DACT3: variants seen among roughly 807,000 people sequenced by gnomAD.
DACT3 encodes dapper homolog 3.
Under a neutral mutation model 19.6 loss-of-function variants are expected in DACT3, and 5 were observed. That is an observed-to-expected ratio of 0.26 (90% CI 0.13 to 0.54). The LOEUF is 0.54. DACT3 is among the 20% of genes least tolerant of loss of function. The pLI, the probability that DACT3 is intolerant of heterozygous loss-of-function variation, is 0.95. For synonymous variants in DACT3, 454 were observed against 428.1 expected (o/e 1.06, Z -0.75); for missense variants, 908 against 927.4 (o/e 0.98, Z 0.27).
chr19:46,652,959 A>T lies in DACT3; in HGVS notation c.346+20T>A. ...CATGGAGGCGTCCCAGGCAAACCCT[A>T]CCCCTCCATCCATGCTCACCCGAGC... On this transcript the variant is annotated intron_variant, in intron 2 of 3. Transcript: ENST00000391916. 1.3e-6 allele frequency: 2 copies of T among 1,549,838 alleles called. No homozygotes were observed. Among genetic ancestry groups the T allele is most frequent in the Non-Finnish European group, 1.7e-6 (2 of 1,146,914 alleles).
Position 46,653,032 on chromosome 19 carries a change from C to G in DACT3, c.293G>C (p.Gly98Ala). 6.4e-7 allele frequency: 1 copy of G among 1,551,592 alleles called. No homozygotes were observed. Among genetic ancestry groups the G allele is most frequent in the Non-Finnish European group, 8.7e-7 (1 of 1,147,004 alleles). ...GCCCCCAGACTCCAGGCTCAGGTCT[C>G]CCAGCTGCTGTCCCAGGTCCCAGAC... ...GLVWDLGQQL[G>A]DLSLESGGLE... Residue 98 changes from glycine (G) to alanine (A), a missense_variant, in exon 2 of 4, where the codon GGA becomes GCA. This residue lies in a region of DACT3 where 252 missense variants were observed against 325.6 expected (regional missense o/e 0.77). Transcript: ENST00000391916.
chr19:46,655,156 T>C, intron 1 of DACT3: 1 of 635,392 alleles, frequency 1.6e-6, no homozygotes, highest in Non-Finnish European at 2.0e-6. Context: ...TGTATGCGCC[T>C]ACCTCGGGAG....
Position 46,649,360 on chromosome 19 carries a change from C to G in DACT3, c.1012G>C (p.Ala338Pro), listed in dbSNP as rs1365930975. The G allele has an allele frequency of 7.2e-6, 9 of 1,257,634 alleles. No homozygotes were observed. Among genetic ancestry groups the G allele is most frequent in the Admixed American group, 4.0e-5 (1 of 25,120 alleles). The allele number at this position is 1,257,634 out of a possible 1,614,324, so 77.9% of individuals were successfully genotyped here. A position where few individuals can be genotyped will look rare whatever the true frequency, so the allele number is the denominator to read the frequency against. ...WESEAAPEPA[A>P]PPAAPSPPDS... ...GGGGGTGAGGGGGCGGCGGGCGGCGCAGCGGGCTCGGGTGCCGCCTCCGAC... is the reference window on the plus strand; with the variant it reads ...GGGGGTGAGGGGGCGGCGGGCGGCGGAGCGGGCTCGGGTGCCGCCTCCGAC... Residue 338 changes from alanine to proline, a missense_variant, in exon 4 of 4, where the codon GCG becomes CCG. Transcript: ENST00000391916.
At position 46,653,185 on chromosome 19, in the gene DACT3, G is replaced by A. The variant is rs190759793; in HGVS notation, c.250-110C>T. The stretch of plus-strand genomic sequence containing the variant: ...GTTTCACTTTGACAATGAGGCTCTC[G>A]CTTCAAAGGATAAAAGCAGTACCTC... On this transcript the variant is annotated intron_variant, in intron 1 of 3. Transcript: ENST00000391916. The A allele has an allele frequency of 1.6e-3, 2,336 of 1,458,050 alleles. 5 individuals carry two copies. Among genetic ancestry groups the A allele is most frequent in the Admixed American group, 2.0e-3 (88 of 43,564 alleles). 90.3% of individuals were successfully genotyped at this position (1,458,050 alleles called of 1,614,324 possible). A position where few individuals can be genotyped will look rare whatever the true frequency, so the allele number is the denominator to read the frequency against.
Position 46,652,676 on chromosome 19 carries a change from C to G in DACT3, c.483G>C (p.Glu161Asp), listed in dbSNP as rs1430271367. 1.9e-6 allele frequency: 3 copies of G among 1,551,228 alleles called. No individual in the cohort carries two copies. The highest frequency in any genetic ancestry group is 1.4e-5 in the African/African-American group (1 of 73,028). The change falls in exon 3 of 4, where the codon GAG becomes GAC. Residue 161 changes from glutamate (E) to aspartate (D), a missense_variant. Around this residue, in one of 2 missense-constraint regions of DACT3, gnomAD observed 252 missense variants for 325.6 expected, o/e 0.77. Coordinates refer to ENST00000391916, the MANE Select transcript of DACT3 (RefSeq NM_145056.3). ...CCACCTTACCTAGGGACTTGGGCCTCTCACTGGCATAGATGCCCCGGGGCT... is the reference window on the plus strand; with the variant it reads ...CCACCTTACCTAGGGACTTGGGCCTGTCACTGGCATAGATGCCCCGGGGCT... ...PSEPRGIYAS[E>D]RPKSLGDASP... is the part of the protein sequence containing the mutation.
intron 3 of DACT3, chr19:46,651,263 T>C (rs1187584362): frequency 3.3e-5 from 5 of 151,804 alleles, no homozygotes; most frequent in Non-Finnish European, 5.9e-5. Context: ...TTGTATTTTT[T>C]GTAGAGACGG....
chr19:46,648,855 G>A lies in DACT3; in HGVS notation c.1517C>T (p.Pro506Leu). 1 of 1,457,376 alleles carries A rather than the reference G, an allele frequency of 6.9e-7. No homozygotes were observed. Among genetic ancestry groups the A allele is most frequent in the Non-Finnish European group, 9.0e-7 (1 of 1,115,208 alleles). 90.3% of individuals were successfully genotyped at this position (1,457,376 alleles called of 1,614,324 possible). ...AAGCAGACGACGCTGGGGAGCTGAC[G>A]GGGACGGGCCGGGGCCGGGAACACG... The part of the protein sequence containing the change: ...AARVPGPGPS[P>L]SAPQRRLLYG... Residue 506 changes from proline to leucine, a missense_variant, in exon 4 of 4, where the codon CCG (proline) becomes CTG (leucine). This residue lies in a region of DACT3 where 656 missense variants were observed against 601.8 expected (regional missense o/e 1.09). Coordinates refer to ENST00000391916, the MANE Select transcript of DACT3 (RefSeq NM_145056.3). This position sits in a 1 kb window ranked among gnomAD's most constrained non-coding sequence, Gnocchi z 5.1.
chr19:46,661,066 G>T lies in DACT3; in HGVS notation c.-2C>A. 1 of 1,461,972 alleles carries T rather than the reference G, an allele frequency of 6.8e-7. No homozygotes were observed. Among genetic ancestry groups the T allele is most frequent in the Admixed American group, 2.5e-5 (1 of 39,324 alleles). 90.6% of individuals were successfully genotyped at this position (1,461,972 alleles called of 1,614,324 possible). A position where few individuals can be genotyped will look rare whatever the true frequency, so the allele number is the denominator to read the frequency against. On this transcript the variant is annotated 5_prime_UTR_variant, in exon 1 of 4. Transcript: ENST00000391916. ...CGGGAACGAGAAGGCCCGGATCATG[G>T]CTGCGGCCCCCCGCCCCAGCCCGGC...
chr19:46,649,173 G>A lies in DACT3; in HGVS notation c.1199C>T (p.Ala400Val). 2 of 1,219,496 alleles carry A rather than the reference G, an allele frequency of 1.6e-6. No homozygotes were observed. Among genetic ancestry groups the A allele is most frequent in the Middle Eastern group, 6.6e-4 (2 of 3,036 alleles). The allele number at this position is 1,219,496 out of a possible 1,614,324, so 75.5% of individuals were successfully genotyped here. Residue 400 changes from alanine (A) to valine (V), a missense_variant, in exon 4 of 4, where the codon GCC becomes GTC. Ala to Val is a moderately conservative substitution (Grantham distance 64). Around this residue, in one of 2 missense-constraint regions of DACT3, gnomAD observed 656 missense variants for 601.8 expected, o/e 1.09. Coordinates refer to ENST00000391916, the MANE Select transcript of DACT3 (RefSeq NM_145056.3). The part of the protein sequence containing the change: ...QSPPRERPRA[A>V]GRRGRMAEAS... Reference sequence around the variant, plus strand: ...CTCGGCCATGCGTCCACGGCGGCCGGCGGCCCGGGGACGCTCCCGGGGTGG... The same window carrying A: ...CTCGGCCATGCGTCCACGGCGGCCGACGGCCCGGGGACGCTCCCGGGGTGG...
In DACT3 at chr19:46,649,640, G is replaced by GC. The variant is rs2052961169; in HGVS notation, c.731dup (p.Ala245ArgfsTer107). The GC allele has an allele frequency of 6.1e-6, 7 of 1,144,162 alleles. No individual in the cohort carries two copies. The highest frequency in any genetic ancestry group is 6.4e-6 in the Non-Finnish European group (6 of 933,886). 70.9% of individuals were successfully genotyped at this position (1,144,162 alleles called of 1,614,324 possible). A position where few individuals can be genotyped will look rare whatever the true frequency, so the allele number is the denominator to read the frequency against. On this transcript the variant is annotated frameshift_variant, in exon 4 of 4. Transcript: ENST00000391916. LOFTEE classifies it low-confidence loss of function (END_TRUNC). The stretch of plus-strand genomic sequence containing the variant: ...TGTAGCCGTCCAGGGGCCGCCCTGC[G>GC]CCCCCCGCGTCGGGCGAGTCGGTGG...
In DACT3 at chr19:46,660,772, A is replaced by T; in HGVS notation, c.249+44T>A. 2 of 1,441,286 alleles carry T rather than the reference A, an allele frequency of 1.4e-6. No individual in the cohort carries two copies. The highest frequency in any genetic ancestry group is 1.5e-5 in the African/African-American group (1 of 67,592). The allele number at this position is 1,441,286 out of a possible 1,614,324, so 89.3% of individuals were successfully genotyped here. On this transcript the variant is annotated intron_variant, in intron 1 of 3. Transcript: ENST00000391916. This position sits in a 1 kb window ranked among gnomAD's most constrained non-coding sequence, Gnocchi z 4.9. ...CTGAGCATCCAACCGAGACAGACAG[A>T]CACAGACGGGGGTGGAGGGACGGAC...
At position 46,660,819 on chromosome 19, in the gene DACT3, C is replaced by G. The variant is rs1487762429; in HGVS notation, c.246G>C (p.Gln82His). The change falls in exon 1 of 4, where the codon CAG becomes CAC. Residue 82 changes from glutamine to histidine, a missense_variant. Gln to His is a conservative substitution (Grantham distance 24). This residue lies in a region of DACT3 where 252 missense variants were observed against 325.6 expected (regional missense o/e 0.77). Transcript: ENST00000391916. This position sits in a 1 kb window ranked among gnomAD's most constrained non-coding sequence, Gnocchi z 4.9. ...GGACGGACAGGCAGCCCCTTACCAG[C>G]TGCTCCTCCAGGGCCGCTGCGGCCC... ...ARRAAAALEE[Q>H]LEALPGLVWD... 6.7e-6 allele frequency: 10 copies of G among 1,502,204 alleles called. No individual in the cohort carries two copies. Among genetic ancestry groups the G allele is most frequent in the Non-Finnish European group, 8.8e-6 (10 of 1,131,682 alleles). 93.1% of individuals were successfully genotyped at this position (1,502,204 alleles called of 1,614,324 possible).
In DACT3 at chr19:46,649,240, T is replaced by G; in HGVS notation, c.1132A>C (p.Lys378Gln). 3 of 1,199,252 alleles carry G rather than the reference T, an allele frequency of 2.5e-6. No homozygotes were observed. The highest frequency in any genetic ancestry group is 2.1e-6 in the Non-Finnish European group (2 of 969,772). The allele number at this position is 1,199,252 out of a possible 1,614,324, so 74.3% of individuals were successfully genotyped here. The stretch of plus-strand genomic sequence containing the variant: ...CGGCCGCGGGTCAGTGGCGGCGGTT[T>G]GCGGCGGGCGGCGCGGCCAGGGAGG... ...RGLPGRAARR[K>Q]PPPLTRGRSV... Residue 378 changes from lysine to glutamine, a missense_variant, in exon 4 of 4, where the codon AAA becomes CAA. This residue lies in a region of DACT3 where 656 missense variants were observed against 601.8 expected (regional missense o/e 1.09). Coordinates refer to ENST00000391916, the MANE Select transcript of DACT3 (RefSeq NM_145056.3).
rs1322786164 is a variant in DACT3, at chr19:46,652,984, C to A, written c.341G>T (p.Ser114Ile). The A allele has an allele frequency of 1.9e-6, 3 of 1,551,038 alleles. No individual in the cohort carries two copies. Among genetic ancestry groups the A allele is most frequent in the Non-Finnish European group, 2.6e-6 (3 of 1,147,018 alleles). Residue 114 changes from serine to isoleucine, a missense_variant, in exon 2 of 4, where the codon AGC (serine) becomes ATC (isoleucine). Transcript: ENST00000391916. ...ACCCCTCCATCCATGCTCACCCGAG[C>A]TACGCCCGCTCTCCTGTTCCAGGCC... is the stretch of plus-strand genomic sequence containing the variant. Reference protein sequence around the residue: ...SGGLEQESGRSSGFYEDPSST... With the variant: ...SGGLEQESGRISGFYEDPSST...
chr19:46,655,264 G>A (rs925878802), intron 1 of DACT3, among the ~76,000 whole-genome samples: 3 of 152,074 alleles, frequency 2.0e-5, no homozygotes, highest in South Asian at 2.1e-4. Flanking sequence ...TGTGTACCCC[G>A]TTGCCCTGCT....
intron 1 of DACT3, among the ~76,000 whole-genome samples, chr19:46,656,149 A>AT (rs34674063): frequency 0.31 from 44,699 of 143,172 alleles, 7,233 homozygotes; most frequent in East Asian, 0.46. Flanking sequence ...GGTTCAAGTG[A>AT]TTTTTTTTTT....
At chr19:46,653,398 T>A (rs1448125333) in intron 1 of DACT3, among the ~76,000 whole-genome samples, 1 of 151,944 alleles carries the variant, frequency 6.6e-6, no homozygotes, top group Non-Finnish European at 1.5e-5. Context: ...TCAGAGCCCC[T>A]CAACCCTGAT....
At position 46,649,530 on chromosome 19, in the gene DACT3, C is replaced by A. The variant is rs1040224631; in HGVS notation, c.842G>T (p.Arg281Leu). 12 of 1,051,452 alleles carry A rather than the reference C, an allele frequency of 1.1e-5. No individual in the cohort carries two copies. Among genetic ancestry groups the A allele is most frequent in the African/African-American group, 1.7e-5 (1 of 58,104 alleles). 65.1% of individuals were successfully genotyped at this position (1,051,452 alleles called of 1,614,324 possible). Residue 281 changes from arginine to leucine, a missense_variant, in exon 4 of 4, where the codon CGC becomes CTC. Transcript: ENST00000391916. ...SPGGADGGPRRQNSVRQRPPD... is the reference protein window; with the variant it reads ...SPGGADGGPRLQNSVRQRPPD... ...CGGCCGCTGGCGCACGCTGTTCTGG[C>A]GCCGCGGGCCGCCGTCCGCGCCCCC...
rs1387265822 is a variant in DACT3 at position 46,648,794 on chromosome 19, A to G, written c.1578T>C (p.Ala526=). 6.5e-7 allele frequency: 1 copy of G among 1,540,174 alleles called. No individual in the cohort carries two copies. Among genetic ancestry groups the G allele is most frequent in the Admixed American group, 2.0e-5 (1 of 50,256 alleles). ...GGCGTCCCAGGGGCCCCAGGCGCCCAGCCGAGCACTCGGAGTCGCTGCCCG... is the reference window on the plus strand; with the variant it reads ...GGCGTCCCAGGGGCCCCAGGCGCCCGGCCGAGCACTCGGAGTCGCTGCCCG... The part of the protein sequence containing the change: ...GCAGSDSECS[A]GRLGPLGRRG... Residue 526 remains alanine, a synonymous_variant, in exon 4 of 4, where the codon GCT becomes GCC. Coordinates refer to ENST00000391916, the MANE Select transcript of DACT3 (RefSeq NM_145056.3). This position sits in a 1 kb window ranked among gnomAD's most constrained non-coding sequence, Gnocchi z 5.1.
Sources: gnomAD v4.1 joint callset for allele counts (sites outside exome capture counted in the v4.1 genomes callset) on GRCh38, gnomAD v4.1.1 for gene constraint, gnomAD v4.1.1 regional missense constraint, Gnocchi (gnomAD v3.1) non-coding constraint, MANE v1.5 for transcripts, NCBI Gene and HGNC (gene_info 2026-07-23, HGNC 2026-07-21) for gene names.